Variants in MECOM observed in about 807,000 individuals in gnomAD.
The protein encoded by MECOM is MDS1 and EVI1 complex locus, also known as histone-lysine N-methyltransferase MECOM.
Under a neutral mutation model 116.3 loss-of-function variants are expected in MECOM, and 13 were observed. That is an observed-to-expected ratio of 0.11 (90% CI 0.07 to 0.18). The LOEUF is 0.18. Ranked by LOEUF, MECOM falls within the 10% of genes least tolerant of loss-of-function variation. The probability of loss-of-function intolerance (pLI) is 1.00; values close to 1 mark genes in which losing one functional copy is unlikely to be tolerated. For missense variants in MECOM, 1,299 were observed against 1,509.0 expected (o/e 0.86, Z 2.31); for synonymous variants, 528 against 535.2 (o/e 0.99, Z 0.19).
intron 9 of MECOM, among the ~76,000 whole-genome samples, chr3:169,111,366 C>A (rs1288859417): frequency 6.6e-6 from 1 of 151,952 alleles, no homozygotes; most frequent in Non-Finnish European, 1.5e-5. Context: ...TTAATGTATA[C>A]ATGAATATTA....
At chr3:169,372,865 T>C (rs1238779362) in intron 2 of MECOM, among the ~76,000 whole-genome samples, 2 of 151,912 alleles carry the variant, frequency 1.3e-5, no homozygotes, top group Non-Finnish European at 2.9e-5. Context: ...CCCAAATCAC[T>C]CAAGCCCACA....
At chr3:169,661,115 T>C (rs1776223917) in intron 1 of MECOM, among the ~76,000 whole-genome samples, 1 of 152,200 alleles carries the variant, frequency 6.6e-6, no homozygotes, top group Non-Finnish European at 1.5e-5. Flanking sequence ...GACGGCATCG[T>C]ATGTCTTGCT....
chr3:169,222,909 C>T (rs767663856), intron 2 of MECOM, among the ~76,000 whole-genome samples: 4 of 152,058 alleles, frequency 2.6e-5, no homozygotes, highest in African/African-American at 2.4e-5. Context: ...TAATAATGAA[C>T]GGTGCCTTCT....
At chr3:169,437,118 A>C (rs1453764653) in intron 1 of MECOM, among the ~76,000 whole-genome samples, 1 of 152,210 alleles carries the variant, frequency 6.6e-6, no homozygotes, top group African/African-American at 2.4e-5. Flanking sequence ...ACAGCTCTGT[A>C]ACTAGATTTC....
At chr3:169,652,970 C>A (rs1365550417) in intron 1 of MECOM, among the ~76,000 whole-genome samples, 1 of 152,102 alleles carries the variant, frequency 6.6e-6, no homozygotes, top group Non-Finnish European at 1.5e-5. Context: ...TTGACATTCT[C>A]CAGAATCAGG....
intron 2 of MECOM, among the ~76,000 whole-genome samples, chr3:169,330,477 T>C (rs539017048): frequency 9.9e-5 from 15 of 152,194 alleles, no homozygotes; most frequent in African/African-American, 3.4e-4. Flanking sequence ...AGTTCCACAG[T>C]AGAATTCACA....
chr3:169,572,016 T>C (rs111267916), intron 1 of MECOM, among the ~76,000 whole-genome samples: 12,368 of 152,220 alleles, frequency 0.081, 587 homozygotes, highest in Middle Eastern at 0.16. Flanking sequence ...AAAGAGTTTC[T>C]GCACAGCAAA....
At position 169,644,803 on chromosome 3, in the gene MECOM, G is replaced by T. The variant is rs372584354; in HGVS notation, c.37+18533C>A. ...CAAAATCCAAATGAAATCTCTCAGA[G>T]GTTTGTGCAAAATTATTAATAGTTT... On this transcript the variant is annotated intron_variant, in intron 1 of 16. Coordinates refer to ENST00000651503, the MANE Select transcript of MECOM (RefSeq NM_004991.4). 3.7e-3 allele frequency among the ~76,000 whole-genome samples: 558 copies of T among 152,214 alleles called. 37 individuals are homozygous for T. In the South Asian group the frequency reaches 0.11, roughly 30 times the overall value.
chr3:169,345,435 T>G (rs3863103), intron 2 of MECOM, among the ~76,000 whole-genome samples: 1 of 151,910 alleles, frequency 6.6e-6, no homozygotes, highest in Non-Finnish European at 1.5e-5. Flanking sequence ...ACTCACTTTA[T>G]GTGCGTTCAT....
rs1189482259 is a variant in MECOM at position 169,663,492 on chromosome 3, CTCT to C, written c.-123_-121del. On this transcript the variant is annotated 5_prime_UTR_variant, in exon 1 of 17. Transcript: ENST00000651503. Reference sequence around the variant, plus strand: ...CTCTCCTGTCTCTCTCTCTCTCTCTCTCTCTCTCTCTCTCTCTCTCTCTCTCTC... The same window carrying C: ...CTCTCCTGTCTCTCTCTCTCTCTCTCCTCTCTCTCTCTCTCTCTCTCTCTC... 6.9e-6 allele frequency: 4 copies of C among 577,256 alleles called. No homozygotes were observed. Among genetic ancestry groups the C allele is most frequent in the African/African-American group, 2.1e-5 (1 of 47,458 alleles). The allele number at this position is 577,256 out of a possible 1,614,324, so 35.8% of individuals were successfully genotyped here. A position where few individuals can be genotyped will look rare whatever the true frequency, so the allele number is the denominator to read the frequency against.
At chr3:169,604,229 C>T (rs1248544822) in intron 1 of MECOM, among the ~76,000 whole-genome samples, 3 of 151,824 alleles carry the variant, frequency 2.0e-5, no homozygotes, top group African/African-American at 7.3e-5. Context: ...AAATCTCTCT[C>T]TCTCTCTCTC....
At chr3:169,468,573 A>G (rs1446591981) in intron 1 of MECOM, among the ~76,000 whole-genome samples, 1 of 152,220 alleles carries the variant, frequency 6.6e-6, no homozygotes, top group Non-Finnish European at 1.5e-5. Context: ...TTCCAGGATC[A>G]GTTTTCTCAC....
chr3:169,491,367 T>C (rs1055532802), intron 1 of MECOM, among the ~76,000 whole-genome samples: 2 of 152,076 alleles, frequency 1.3e-5, no homozygotes, highest in Admixed American at 1.3e-4. Flanking sequence ...CAGATGATAC[T>C]AGAAAAGGCT....
intron 2 of MECOM, among the ~76,000 whole-genome samples, chr3:169,288,084 T>C (rs1474987868): frequency 2.0e-5 from 3 of 152,150 alleles, no homozygotes; most frequent in Non-Finnish European, 4.4e-5. Context: ...AGTGGTGATA[T>C]AAAACAGTAA....
intron 1 of MECOM, among the ~76,000 whole-genome samples, chr3:169,507,372 C>T (rs1022871260): frequency 3.9e-5 from 6 of 152,170 alleles, no homozygotes; most frequent in South Asian, 2.1e-4. Flanking sequence ...ACACTGGTGA[C>T]GTCAGGCTGA....
chr3:169,505,421 C>T (rs56197276), intron 1 of MECOM, among the ~76,000 whole-genome samples: 25,340 of 151,600 alleles, frequency 0.17, 2,273 homozygotes, highest in East Asian at 0.33. Flanking sequence ...TATTGGTGTA[C>T]ATTTGCAAAT....
intron 2 of MECOM, among the ~76,000 whole-genome samples, chr3:169,299,724 T>C (rs1022287920): frequency 3.3e-5 from 5 of 152,214 alleles, no homozygotes; most frequent in African/African-American, 9.6e-5. Context: ...AATGACCACA[T>C]TTTCATTCAA....
chr3:169,578,183 G>A (rs1228155009), intron 1 of MECOM, among the ~76,000 whole-genome samples: 1 of 152,100 alleles, frequency 6.6e-6, no homozygotes, highest in Admixed American at 6.6e-5. Flanking sequence ...CAACTTAAAA[G>A]ATGTGTGATA....
At chr3:169,365,533 G>A (rs1577867628) in intron 2 of MECOM, among the ~76,000 whole-genome samples, 2 of 151,970 alleles carry the variant, frequency 1.3e-5, no homozygotes, top group East Asian at 3.9e-4. Flanking sequence ...ATGCTTCTCT[G>A]ACCTGTGTCA....
Sources: gnomAD v4.1 joint callset for allele counts (sites outside exome capture counted in the v4.1 genomes callset) on GRCh38, gnomAD v4.1.1 for gene constraint, MANE v1.5 for transcripts, NCBI Gene and HGNC (gene_info 2026-07-23, HGNC 2026-07-21) for gene names.